Variants in SRCIN1 observed in about 807,000 individuals in gnomAD.
SRCIN1 encodes SRC kinase signaling inhibitor 1.
In SRCIN1, 50 loss-of-function variants were observed where a neutral mutation model predicts 116.2. The observed-to-expected ratio is 0.43, with a 90% CI of 0.34 to 0.54. SRCIN1 has a LOEUF of 0.54. Ranked by LOEUF, SRCIN1 falls within the 20% of genes least tolerant of loss-of-function variation. SRCIN1 has a pLI of 0.02. For missense variants in SRCIN1, 1,446 were observed against 1,672.0 expected (o/e 0.86, Z 2.36); for synonymous variants, 736 against 750.0 (o/e 0.98, Z 0.30).
chr17:38,603,397 G>A (rs1909173838), intron 1 of SRCIN1, among the ~76,000 whole-genome samples: 1 of 152,110 alleles, frequency 6.6e-6, no homozygotes, highest in Non-Finnish European at 1.5e-5. Flanking sequence ...AAAGCCTGGG[G>A]TGGGGGTAGC....
At chr17:38,576,892 TC>T (rs1797680746) in intron 2 of SRCIN1, among the ~76,000 whole-genome samples, 1 of 151,250 alleles carries the variant, frequency 6.6e-6, no homozygotes, top group East Asian at 1.9e-4. Flanking sequence ...CAGTCCCGCT[TC>T]TCCCCTCCTA....
intron 1 of SRCIN1, among the ~76,000 whole-genome samples, chr17:38,581,392 T>C (rs1370739745): frequency 3.1e-5 from 4 of 130,424 alleles, no homozygotes; most frequent in Non-Finnish European, 6.2e-5. Flanking sequence ...GGAGACAGTG[T>C]GAAACTCTGT....
intron 1 of SRCIN1, among the ~76,000 whole-genome samples, chr17:38,594,194 G>T (rs1908590644): frequency 6.6e-6 from 1 of 152,206 alleles, no homozygotes; most frequent in South Asian, 2.1e-4. Context: ...GAGCAAGGAG[G>T]GAAAGGGCTC....
intron 11 of SRCIN1, among the ~76,000 whole-genome samples, chr17:38,556,161 T>C (rs1905773188): frequency 6.6e-6 from 1 of 152,210 alleles, no homozygotes; most frequent in South Asian, 2.1e-4. Context: ...TGGAACCAGC[T>C]AAATAATTTA....
At position 38,561,922 on chromosome 17, in the gene SRCIN1, G is replaced by A; in HGVS notation, c.1241C>T (p.Ala414Val). Residue 414 changes from alanine to valine, a missense_variant, in exon 7 of 19, where the codon GCC becomes GTC. Transcript: ENST00000617146. ...HEGRLSLAAA[A>V]GDPFAYPGAG... ...GCCCGGGTAGGCGAACGGGTCGCCG[G>A]CGGCCGCGGCCAGGCTCAGACGGCC... 1 of 1,448,306 alleles carries A rather than the reference G, an allele frequency of 6.9e-7. No homozygotes were observed. The highest frequency in any genetic ancestry group is 1.4e-5 in the South Asian group (1 of 72,576). 89.7% of individuals were successfully genotyped at this position (1,448,306 alleles called of 1,614,324 possible). A position where few individuals can be genotyped will look rare whatever the true frequency, so the allele number is the denominator to read the frequency against.
Position 38,540,584 on chromosome 17 carries a change from C to T in SRCIN1, c.3417+3239G>A, listed in dbSNP as rs895516708. Among the ~76,000 whole-genome samples, 3 of 152,174 alleles carry T rather than the reference C, an allele frequency of 2.0e-5. No individual in the cohort carries two copies. In the East Asian group the frequency reaches 5.8e-4, roughly 29 times the overall value. On this transcript the variant is annotated intron_variant, in intron 18 of 18. Coordinates refer to ENST00000617146, the MANE Select transcript of SRCIN1 (RefSeq NM_025248.3). ...GGCCACAGGCTGAGCTAGTGTGGAT[C>T]GTGTCCCACCAGTGACCCGCATGGC...
chr17:38,578,454 G>C, intron 2 of SRCIN1, 36 bp downstream of exon 2: 1 of 1,528,260 alleles, frequency 6.5e-7, no homozygotes, highest in Non-Finnish European at 8.8e-7. Flanking sequence ...CGCTGGCCGC[G>C]GCCGCAGCCG....
In SRCIN1 at chr17:38,552,312, G is replaced by A; in HGVS notation, c.2480+135C>T. The A allele has an allele frequency of 2.1e-6, 3 of 1,422,810 alleles. No individual in the cohort carries two copies. Among genetic ancestry groups the A allele is most frequent in the Non-Finnish European group, 2.8e-6 (3 of 1,068,332 alleles). The allele number at this position is 1,422,810 out of a possible 1,614,324, so 88.1% of individuals were successfully genotyped here. The stretch of plus-strand genomic sequence containing the variant: ...AGGTCTACAGCATGCAGGGGTCACA[G>A]GGCAGAGCTGAGGTGCCAGTCCAGT... On this transcript the variant is annotated intron_variant, in intron 13 of 18. Coordinates refer to ENST00000617146, the MANE Select transcript of SRCIN1 (RefSeq NM_025248.3). This position sits in a 1 kb window ranked among gnomAD's most constrained non-coding sequence, Gnocchi z 5.3.
At chr17:38,600,168 C>G (rs1321351264) in intron 1 of SRCIN1, among the ~76,000 whole-genome samples, 1 of 152,196 alleles carries the variant, frequency 6.6e-6, no homozygotes. Flanking sequence ...CCCAGTCCTC[C>G]TTGGTGGCAT....
Position 38,564,325 on chromosome 17 carries a change from G to T in SRCIN1, c.346-12C>A. ...CGTGAGCTGCGGGTCTGCAGGGGCC[G>T]GGCAGGGTGAGAGGAACCAAGGATG... is the stretch of plus-strand genomic sequence containing the variant. On this transcript the variant is annotated splice_polypyrimidine_tract_variant and intron_variant, in intron 3 of 18. Coordinates refer to ENST00000617146, the MANE Select transcript of SRCIN1 (RefSeq NM_025248.3). 6.5e-7 allele frequency: 1 copy of T among 1,535,248 alleles called. No homozygotes were observed. Among genetic ancestry groups the T allele is most frequent in the Non-Finnish European group, 8.7e-7 (1 of 1,144,658 alleles).
chr17:38,552,778 T>A lies in SRCIN1; in HGVS notation c.2279A>T (p.Glu760Val). 6.2e-7 allele frequency: 1 copy of A among 1,613,930 alleles called. No individual in the cohort carries two copies. The highest frequency in any genetic ancestry group is 8.5e-7 in the Non-Finnish European group (1 of 1,179,870). ...CTGCTTCAGCACCAGTGCCTTCTCC[T>A]CCAGCTCAGGGCCGGGCACCAGCCG... ...NHRLVPGPELEEKALVLKQLG... is the reference protein window; with the variant it reads ...NHRLVPGPELVEKALVLKQLG... The change falls in exon 12 of 19, where the codon GAG becomes GTG. Residue 760 changes from glutamate (E) to valine (V), a missense_variant. By Grantham distance (121) the Glu-to-Val change is moderately radical (BLOSUM62 -2). This residue lies in a region of SRCIN1 where 531 missense variants were observed against 633.9 expected (regional missense o/e 0.84). Coordinates refer to ENST00000617146, the MANE Select transcript of SRCIN1 (RefSeq NM_025248.3). This position sits in a 1 kb window ranked among gnomAD's most constrained non-coding sequence, Gnocchi z 5.3.
rs767320063 is a variant in SRCIN1 at position 38,578,535 on chromosome 17, C to T, written c.279G>A (p.Gln93=). ...GCTGGCCTCGCAGGGCCAGGGCGTG[C>T]TGTGGGTACTTGCTCTTCAGGTGGT... The part of the protein sequence containing the change: ...FMDHLKSKYP[Q]HALALRGQQD... The change falls in exon 2 of 19, where the codon CAG becomes CAA. Residue 93 remains glutamine, a synonymous_variant. Transcript: ENST00000617146. The T allele has an allele frequency of 3.8e-6, 6 of 1,599,320 alleles. No individual in the cohort carries two copies. Among genetic ancestry groups the T allele is most frequent in the Admixed American group, 1.7e-5 (1 of 59,734 alleles).
Position 38,585,947 on chromosome 17 carries a change from C to T in SRCIN1, c.23-7156G>A, listed in dbSNP as rs1453391860. Among the ~76,000 whole-genome samples, 2 of 152,122 alleles carry T rather than the reference C, an allele frequency of 1.3e-5. No homozygotes were observed. Among genetic ancestry groups the T allele is most frequent in the African/African-American group, 2.4e-5 (1 of 41,418 alleles). ...GGGCCAGAAACTCTGCACCTCCCCA[C>T]GGTGATCCCCACTCCCTGCCAGCCC... On this transcript the variant is annotated intron_variant, in intron 1 of 18. Coordinates refer to ENST00000617146, the MANE Select transcript of SRCIN1 (RefSeq NM_025248.3). The surrounding 1 kb of genome is among the most constrained non-coding windows in gnomAD (Gnocchi z 4.2).
chr17:38,560,458 T>A lies in SRCIN1; in HGVS notation c.1701-33A>T, dbSNP rs1020323736. The stretch of plus-strand genomic sequence containing the variant: ...GGAAGGGGGTCTGGGCAACCTCGCC[T>A]CTGAGCATAGGGTCTCTCCTGCCCA... On this transcript the variant is annotated intron_variant, in intron 7 of 18. Coordinates refer to ENST00000617146, the MANE Select transcript of SRCIN1 (RefSeq NM_025248.3). 3 of 1,561,808 alleles carry A rather than the reference T, an allele frequency of 1.9e-6. No homozygotes were observed. The Admixed American group carries it at 5.4e-5, about 28-fold the overall frequency.
chr17:38,548,524 G>A (rs767901676), intron 17 of SRCIN1, 33 bp downstream of exon 17: 5 of 1,604,646 alleles, frequency 3.1e-6, no homozygotes, highest in Non-Finnish European at 4.2e-6. Flanking sequence ...GGGCCTGGCT[G>A]AGACCTTGGG....
chr17:38,556,018 T>G (rs561234138), intron 11 of SRCIN1, among the ~76,000 whole-genome samples: 1 of 152,040 alleles, frequency 6.6e-6, no homozygotes, highest in Non-Finnish European at 1.5e-5. Flanking sequence ...TCTGCCAAAG[T>G]TGGGGGGCCT....
In SRCIN1 at chr17:38,562,187, A is replaced by G; in HGVS notation, c.976T>C (p.Ser326Pro). ...LPSGLQSGSP[S>P]RSRLSYAGGR... is the part of the protein sequence containing the mutation. ...CCGGCGTACGATAGGCGCGAACGCGACGGCGAACCGGACTGCAGCCCGGAC... is the reference window on the plus strand; with the variant it reads ...CCGGCGTACGATAGGCGCGAACGCGGCGGCGAACCGGACTGCAGCCCGGAC... The change falls in exon 7 of 19, where the codon TCG becomes CCG. Residue 326 changes from serine (S) to proline (P), a missense_variant. By Grantham distance (74) the Ser-to-Pro change is moderately conservative. Transcript: ENST00000617146. This position sits in a 1 kb window ranked among gnomAD's most constrained non-coding sequence, Gnocchi z 4.2. 1 of 1,392,082 alleles carries G rather than the reference A, an allele frequency of 7.2e-7. No homozygotes were observed. The highest frequency in any genetic ancestry group is 3.1e-5 in the East Asian group (1 of 32,630). 86.2% of individuals were successfully genotyped at this position (1,392,082 alleles called of 1,614,324 possible).
rs1278879106 is a variant in SRCIN1, at chr17:38,572,615, C to A, written c.325-4384G>T. ...CGGGCCCCCATCTCCGTGTCCCCGC[C>A]CCCCGCCCAACCCGAGGCGGCGATC... is the stretch of plus-strand genomic sequence containing the variant. On this transcript the variant is annotated intron_variant, in intron 2 of 18. Transcript: ENST00000617146. The surrounding 1 kb of genome is among the most constrained non-coding windows in gnomAD (Gnocchi z 4.3). The A allele has an allele frequency of 6.6e-6, 1 of 152,190 alleles. No individual in the cohort carries two copies. The highest frequency in any genetic ancestry group is 1.5e-5 in the Non-Finnish European group (1 of 68,104). 9.4% of individuals were successfully genotyped at this position (152,190 alleles called of 1,614,324 possible).
At chr17:38,597,042 T>C (rs1163020958) in intron 1 of SRCIN1, among the ~76,000 whole-genome samples, 1 of 152,204 alleles carries the variant, frequency 6.6e-6, no homozygotes, top group Admixed American at 6.5e-5. Context: ...CAGCCCTCCC[T>C]GGGCTGGCTC....
Sources: gnomAD v4.1 joint callset for allele counts (sites outside exome capture counted in the v4.1 genomes callset) on GRCh38, gnomAD v4.1.1 for gene constraint, gnomAD v4.1.1 regional missense constraint, Gnocchi (gnomAD v3.1) non-coding constraint, MANE v1.5 for transcripts, NCBI Gene and HGNC (gene_info 2026-07-23, HGNC 2026-07-21) for gene names.